The following CNTN4 variants were observed in gnomAD, a reference collection of about 807,000 sequenced individuals.
CNTN4 encodes contactin-4.
Under a neutral mutation model 122.5 loss-of-function variants are expected in CNTN4, and 77 were observed. The ratio of observed to expected loss-of-function variants is 0.63; its 90% CI spans 0.52 to 0.76. The LOEUF is 0.76. CNTN4 is among the 30% of genes least tolerant of loss of function. CNTN4 has a pLI of 0.00. For missense variants in CNTN4, 1,256 were observed against 1,259.1 expected (o/e 1.00, Z 0.04); for synonymous variants, 512 against 447.0 (o/e 1.15, Z -1.83).
rs1289360733 is a variant in CNTN4 at position 2,903,019 on chromosome 3, C to T, written c.1207+14C>T. The T allele has an allele frequency of 2.5e-6, 4 of 1,612,182 alleles. No homozygotes were observed. The highest frequency in any genetic ancestry group is 1.7e-5 in the Admixed American group (1 of 59,940). On this transcript the variant is annotated intron_variant, in intron 12 of 24. Transcript: ENST00000418658. ...TTAGTGTTATAGGTGAGTCTTTATA[C>T]TGGCAAGAAAAAAAAATTAAAACTC...
chr3:2,824,851 T>G (rs1397788389), intron 7 of CNTN4, among the ~76,000 whole-genome samples: 2 of 151,888 alleles, frequency 1.3e-5, no homozygotes, highest in Middle Eastern at 3.2e-3. Flanking sequence ...TTAGTAGAGA[T>G]GAGGTTTCAC....
rs57163477 is a variant in CNTN4, at chr3:2,135,243, A to G, written c.-145+34604A>G. Among the ~76,000 whole-genome samples the G allele has an allele frequency of 1.6e-3, 244 of 152,302 alleles. 1 individual carries two copies. The highest frequency in any genetic ancestry group is 5.7e-3 in the African/African-American group (236 of 41,568). ...GGAGGAGAGGGCATGAACATAGGATAAAAGCTCGAGACAGGAAGAGATGGG... is the reference window on the plus strand; with the variant it reads ...GGAGGAGAGGGCATGAACATAGGATGAAAGCTCGAGACAGGAAGAGATGGG... On this transcript the variant is annotated intron_variant, in intron 2 of 24. Transcript: ENST00000418658.
intron 3 of CNTN4, among the ~76,000 whole-genome samples, chr3:2,452,600 A>G (rs186480256): frequency 5.6e-4 from 85 of 152,264 alleles, no homozygotes; most frequent in African/African-American, 1.9e-3. Context: ...TGAAACTTAA[A>G]TGCATCCATA....
chr3:2,451,367 A>G (rs913249543), intron 3 of CNTN4, among the ~76,000 whole-genome samples: 8 of 151,682 alleles, frequency 5.3e-5, no homozygotes, highest in Admixed American at 5.3e-4. Context: ...AGCAAGCTTC[A>G]TACATTTTAT....
At chr3:2,647,604 A>T (rs1365851103) in intron 4 of CNTN4, among the ~76,000 whole-genome samples, 4 of 152,102 alleles carry the variant, frequency 2.6e-5, no homozygotes, top group African/African-American at 9.7e-5. Context: ...CTTACACCTC[A>T]TATTTGTTGT....
At chr3:2,244,173 CTA>C (rs1188765191) in intron 2 of CNTN4, among the ~76,000 whole-genome samples, 5 of 151,770 alleles carry the variant, frequency 3.3e-5, no homozygotes, top group African/African-American at 1.2e-4. Flanking sequence ...AAATTAATAA[CTA>C]TTGATAAAAT....
chr3:2,182,698 T>C (rs2037071617), intron 2 of CNTN4, among the ~76,000 whole-genome samples: 1 of 152,150 alleles, frequency 6.6e-6, no homozygotes, highest in Admixed American at 6.6e-5. Context: ...AAGTAAAATA[T>C]GTCTTCCTAT....
chr3:2,880,372 T>C (rs1385278350), intron 8 of CNTN4, among the ~76,000 whole-genome samples: 1 of 152,222 alleles, frequency 6.6e-6, no homozygotes, highest in Non-Finnish European at 1.5e-5. Flanking sequence ...GGCAATTCTT[T>C]TTAATTAACA....
chr3:3,011,282 T>A (rs1697207101), intron 14 of CNTN4, among the ~76,000 whole-genome samples: 1 of 152,170 alleles, frequency 6.6e-6, no homozygotes. Context: ...ACTACTCCAA[T>A]AATCCATTAA....
At chr3:2,680,493 G>C (rs2085106114) in intron 4 of CNTN4, among the ~76,000 whole-genome samples, 2 of 152,248 alleles carry the variant, frequency 1.3e-5, no homozygotes, top group Non-Finnish European at 2.9e-5. Context: ...AGACACTTTT[G>C]GCAAAACACG....
At chr3:2,697,748 C>T (rs1277624374) in intron 4 of CNTN4, among the ~76,000 whole-genome samples, 3 of 152,118 alleles carry the variant, frequency 2.0e-5, no homozygotes, top group Non-Finnish European at 4.4e-5. Flanking sequence ...AAGGAACTGG[C>T]TCATGCAGTT....
At position 2,325,987 on chromosome 3, in the gene CNTN4, G is replaced by A. The variant is rs543279214; in HGVS notation, c.-144-13191G>A. On this transcript the variant is annotated intron_variant, in intron 2 of 24. Coordinates refer to ENST00000418658, the MANE Select transcript of CNTN4 (RefSeq NM_175607.3). ...GAAAAGAATAAATATTTCTTTTAGA[G>A]GATGTGATGGTTAATTTTATGGTTC... Among the ~76,000 whole-genome samples, 37 of 152,288 alleles carry A rather than the reference G, an allele frequency of 2.4e-4. No homozygotes were observed. The South Asian group carries it at 7.7e-3, about 32-fold the overall frequency.
intron 24 of CNTN4, 72 bp downstream of exon 24, chr3:3,054,047 T>A (rs1176843769): frequency 5.4e-6 from 8 of 1,470,846 alleles, no homozygotes; most frequent in Non-Finnish European, 4.7e-6. Context: ...GAGTCAGGGC[T>A]TGAAAGACAT....
intron 3 of CNTN4, among the ~76,000 whole-genome samples, chr3:2,459,427 C>A (rs1346952983): frequency 6.6e-6 from 1 of 152,010 alleles, no homozygotes; most frequent in East Asian, 1.9e-4. Flanking sequence ...TTATAATTGC[C>A]CCTGCTTTTC....
intron 10 of CNTN4, among the ~76,000 whole-genome samples, chr3:2,893,834 G>C (rs1433224556): frequency 6.6e-6 from 1 of 152,164 alleles, no homozygotes; most frequent in South Asian, 2.1e-4. Context: ...TTATCTAGAA[G>C]TTCCTCTGCT....
chr3:2,838,151 G>T (rs1008259416), intron 7 of CNTN4, among the ~76,000 whole-genome samples: 2 of 152,178 alleles, frequency 1.3e-5, no homozygotes, highest in Admixed American at 1.3e-4. Flanking sequence ...TACCACATGT[G>T]ACCTCTCTGG....
chr3:2,704,518 G>C (rs971523927), intron 4 of CNTN4, among the ~76,000 whole-genome samples: 1 of 152,032 alleles, frequency 6.6e-6, no homozygotes, highest in South Asian at 2.1e-4. Flanking sequence ...CAAAACAAAG[G>C]ATAAAATGGG....
intron 3 of CNTN4, among the ~76,000 whole-genome samples, chr3:2,427,616 C>T (rs533956381): frequency 7.2e-5 from 11 of 152,280 alleles, no homozygotes; most frequent in African/African-American, 2.6e-4. Flanking sequence ...AGTTCAATTC[C>T]TGGATATCCT....
intron 6 of CNTN4, among the ~76,000 whole-genome samples, chr3:2,784,481 A>C (rs1458343484): frequency 6.6e-6 from 1 of 152,230 alleles, no homozygotes; most frequent in African/African-American, 2.4e-5. Context: ...CTTTGCCTGA[A>C]GTCATACAAC....
Sources: allele counts gnomAD v4.1 joint callset (sites outside exome capture counted in the v4.1 genomes callset), GRCh38; gene constraint gnomAD v4.1.1; transcripts MANE v1.5; gene names NCBI Gene and HGNC (gene_info 2026-07-23, HGNC 2026-07-21).